Variants in HEMK1 observed in about 807,000 individuals in gnomAD.
The protein encoded by HEMK1 is HemK methyltransferase 1, mitochondrial release factors N(5)-glutamine, also known as MTRF1L release factor glutamine methyltransferase.
Under a neutral mutation model 47.9 loss-of-function variants are expected in HEMK1, and 36 were observed. The ratio of observed to expected loss-of-function variants is 0.75; its 90% CI spans 0.58 to 0.99. The LOEUF (loss-of-function observed/expected upper bound fraction) is 0.99, where lower values mean the gene tolerates loss of function less well. Ranked by LOEUF, HEMK1 falls within the 50% of genes least tolerant of loss-of-function variation. The probability of loss-of-function intolerance (pLI) is 0.00; values close to 1 mark genes in which losing one functional copy is unlikely to be tolerated. For missense variants in HEMK1, 383 were observed against 434.5 expected (o/e 0.88, Z 1.05); for synonymous variants, 153 against 165.4 (o/e 0.93, Z 0.57).
At chr3:50,576,729 G>A (rs75472980) in intron 4 of HEMK1, among the ~76,000 whole-genome samples, 3,813 of 152,342 alleles carry the variant, frequency 0.025, 180 homozygotes, top group African/African-American at 0.087. Context: ...ATTTCTGTAA[G>A]CACAGAATGG....
intron 4 of HEMK1, among the ~76,000 whole-genome samples, chr3:50,573,227 G>A (rs570276865): frequency 2.0e-5 from 3 of 152,290 alleles, no homozygotes; most frequent in African/African-American, 7.2e-5. Flanking sequence ...GAGCATGGGG[G>A]CAGCACGTGG....
At chr3:50,574,465 T>C (rs1434735618) in intron 4 of HEMK1, among the ~76,000 whole-genome samples, 1 of 152,202 alleles carries the variant, frequency 6.6e-6, no homozygotes, top group African/African-American at 2.4e-5. Context: ...AAGGTGGCCA[T>C]CCACATACGT....
chr3:50,592,671 A>G lies in HEMK1; in HGVS notation c.*12254A>G, dbSNP rs1445714488. 1 of 152,270 alleles carries G rather than the reference A, an allele frequency of 6.6e-6. No individual in the cohort carries two copies. Among genetic ancestry groups the G allele is most frequent in the Non-Finnish European group, 1.5e-5 (1 of 68,088 alleles). 9.4% of individuals were successfully genotyped at this position (152,270 alleles called of 1,614,324 possible). ...CACACCCAGGCCAGCCCAGCCCTTC[A>G]GACTCTGCCAGTCACAGTGGGGTGG... On this transcript the variant is annotated 3_prime_UTR_variant, in exon 11 of 11. Coordinates refer to ENST00000232854, the MANE Select transcript of HEMK1 (RefSeq NM_016173.5).
intron 5 of HEMK1, 139 bp downstream of exon 5, chr3:50,577,325 A>G: frequency 8.5e-7 from 1 of 1,170,594 alleles, no homozygotes; most frequent in Non-Finnish European, 1.2e-6. Context: ...CCCCTAGCCC[A>G]CTGTGGTTCA....
intron 2 of HEMK1, 169 bp from the exon 3 acceptor site, chr3:50,571,541 G>A (rs1700956885): frequency 1.4e-6 from 1 of 720,578 alleles, no homozygotes; most frequent in Non-Finnish European, 2.4e-6. Context: ...ACACCTGGAA[G>A]CCTGGTGTTA....
intron 6 of HEMK1, 75 bp from the exon 7 acceptor site, chr3:50,577,751 A>T: frequency 6.6e-7 from 1 of 1,508,032 alleles, no homozygotes; most frequent in South Asian, 1.1e-5. Flanking sequence ...AGAAGGGTTG[A>T]CTATAAGACC....
Position 50,578,914 on chromosome 3 carries a change from C to T in HEMK1, c.758C>T (p.Pro253Leu). Residue 253 changes from proline to leucine, a missense_variant, in exon 8 of 11, where the codon CCT becomes CTT. Transcript: ENST00000232854. The stretch of plus-strand genomic sequence containing the variant: ...CACCAGGACATGGAGCAGCTGGCCC[C>T]TGAGATCCGCAGGTGCTAAGCAGGG... ...VFHQDMEQLA[P>L]EIRSYEDPAA... The T allele has an allele frequency of 1.2e-6, 2 of 1,611,374 alleles. No individual in the cohort carries two copies. Among genetic ancestry groups the T allele is most frequent in the Admixed American group, 1.7e-5 (1 of 59,736 alleles).
intron 4 of HEMK1, 69 bp from the exon 5 acceptor site, chr3:50,576,983 G>C: frequency 6.3e-7 from 1 of 1,585,104 alleles, no homozygotes; most frequent in Non-Finnish European, 8.6e-7. Context: ...TAACTGCTTA[G>C]GCCTCTGTAC....
chr3:50,587,974 T>A lies in HEMK1; in HGVS notation c.*7557T>A. The stretch of plus-strand genomic sequence containing the variant: ...GACCACAGTGGGCCCAGGGATCTGA[T>A]TGGGACCTGGGGGAAATGGGGCCAC... On this transcript the variant is annotated 3_prime_UTR_variant, in exon 11 of 11. Transcript: ENST00000232854. The surrounding 1 kb of genome is among the most constrained non-coding windows in gnomAD (Gnocchi z 4.2). 6.6e-6 allele frequency: 1 copy of A among 152,178 alleles called. No individual in the cohort carries two copies. The highest frequency in any genetic ancestry group is 1.5e-5 in the Non-Finnish European group (1 of 68,106). The allele number at this position is 152,178 out of a possible 1,614,324, so 9.4% of individuals were successfully genotyped here.
intron 7 of HEMK1, 67 bp from the exon 8 acceptor site, chr3:50,578,754 G>A: frequency 2.9e-6 from 3 of 1,039,848 alleles, no homozygotes; most frequent in Non-Finnish European, 2.9e-6. Flanking sequence ...ATGGTGGCAG[G>A]TGGAGCTATC....
chr3:50,572,224 GGGCA>G lies in HEMK1; in HGVS notation c.414+17_414+20del, dbSNP rs778816870. The G allele has an allele frequency of 0.014, 22,045 of 1,604,262 alleles. 296 individuals are homozygous for G. Among genetic ancestry groups the G allele is most frequent in the Non-Finnish European group, 0.014 (16,166 of 1,173,016 alleles). On this transcript the variant is annotated intron_variant, in intron 4 of 10. Coordinates refer to ENST00000232854, the MANE Select transcript of HEMK1 (RefSeq NM_016173.5). The stretch of plus-strand genomic sequence containing the variant: ...AGAAACAGAGGTAGGTGTGCCACCA[GGGCA>G]AGGCAGGATCAGGATGATGGTGGAG...
Position 50,590,942 on chromosome 3 carries a change from T to A in HEMK1, c.*10525T>A, listed in dbSNP as rs1490412390. The A allele has an allele frequency of 2.0e-5, 3 of 152,110 alleles. No homozygotes were observed. Among genetic ancestry groups the A allele is most frequent in the Non-Finnish European group, 1.5e-5 (1 of 68,034 alleles). 9.4% of individuals were successfully genotyped at this position (152,110 alleles called of 1,614,324 possible). A position where few individuals can be genotyped will look rare whatever the true frequency, so the allele number is the denominator to read the frequency against. Reference sequence around the variant, plus strand: ...TTCATTTCTGGGAACTAACTGTGCTTTGGAAAGAGAGAAATGAGAAGCAAA... The same window carrying A: ...TTCATTTCTGGGAACTAACTGTGCTATGGAAAGAGAGAAATGAGAAGCAAA... On this transcript the variant is annotated 3_prime_UTR_variant, in exon 11 of 11. Coordinates refer to ENST00000232854, the MANE Select transcript of HEMK1 (RefSeq NM_016173.5).
chr3:50,571,665 C>T (rs1004395203), intron 2 of HEMK1, 45 bp from the exon 3 acceptor site: 2 of 1,566,848 alleles, frequency 1.3e-6, no homozygotes, highest in Admixed American at 1.7e-5. Flanking sequence ...GGGTTGGGGG[C>T]CTTGGGCCCA....
In HEMK1 at chr3:50,590,829, C is replaced by A. The variant is rs765779622; in HGVS notation, c.*10412C>A. 1 of 152,194 alleles carries A rather than the reference C, an allele frequency of 6.6e-6. No individual in the cohort carries two copies. Among genetic ancestry groups the A allele is most frequent in the African/African-American group, 2.4e-5 (1 of 41,440 alleles). The allele number at this position is 152,194 out of a possible 1,614,324, so 9.4% of individuals were successfully genotyped here. A position where few individuals can be genotyped will look rare whatever the true frequency, so the allele number is the denominator to read the frequency against. On this transcript the variant is annotated 3_prime_UTR_variant, in exon 11 of 11. Coordinates refer to ENST00000232854, the MANE Select transcript of HEMK1 (RefSeq NM_016173.5). ...TGAGTAGACATGGGCTAGGGACTTA[C>A]CCAGGCCCTTGGTGGTGCCTCCAAG... is the stretch of plus-strand genomic sequence containing the variant.
intron 8 of HEMK1, 117 bp downstream of exon 8, chr3:50,579,043 G>A (rs2030305669): frequency 2.8e-6 from 2 of 721,286 alleles, no homozygotes; most frequent in Admixed American, 2.4e-5. Context: ...ATGGGCAATG[G>A]TGTTAAGTTG....
intron 6 of HEMK1, 66 bp from the exon 7 acceptor site, chr3:50,577,760 C>A: frequency 6.6e-7 from 1 of 1,518,498 alleles, no homozygotes; most frequent in East Asian, 2.3e-5. Flanking sequence ...GACTATAAGA[C>A]CTCATTCTTG....
rs758346250 is a variant in HEMK1 at position 50,595,520 on chromosome 3, A to G, written c.*15103A>G. ...AGGTGGGAGATGTTATCTTTAGTAT[A>G]CGGGACAATAAAATCTGCCTTTTGC... On this transcript the variant is annotated 3_prime_UTR_variant, in exon 11 of 11. Coordinates refer to ENST00000232854, the MANE Select transcript of HEMK1 (RefSeq NM_016173.5). 6.6e-6 allele frequency: 1 copy of G among 152,178 alleles called. No homozygotes were observed. Among genetic ancestry groups the G allele is most frequent in the Non-Finnish European group, 1.5e-5 (1 of 68,040 alleles). The allele number at this position is 152,178 out of a possible 1,614,324, so 9.4% of individuals were successfully genotyped here.
At position 50,583,596 on chromosome 3, in the gene HEMK1, C is replaced by T. The variant is rs887322164; in HGVS notation, c.*3179C>T. ...AACCCCTTTAACCTCTGCGGGACAG[C>T]ATGTCTTTCCCTATCCACCTTCGAT... On this transcript the variant is annotated 3_prime_UTR_variant, in exon 11 of 11. Coordinates refer to ENST00000232854, the MANE Select transcript of HEMK1 (RefSeq NM_016173.5). The T allele has an allele frequency of 6.6e-6, 1 of 152,270 alleles. No individual in the cohort carries two copies. Among genetic ancestry groups the T allele is most frequent in the Non-Finnish European group, 1.5e-5 (1 of 68,082 alleles). The allele number at this position is 152,270 out of a possible 1,614,324, so 9.4% of individuals were successfully genotyped here.
Position 50,580,726 on chromosome 3 carries a change from C to T in HEMK1, c.*309C>T. ...ACTTGCAGGTCCCCTGACCCCCTTA[C>T]TCCCAGGTAGCACTGGGGCAAGGGT... On this transcript the variant is annotated 3_prime_UTR_variant, in exon 11 of 11. Transcript: ENST00000232854. The T allele has an allele frequency of 4.5e-6, 2 of 444,200 alleles. No individual in the cohort carries two copies. Among genetic ancestry groups the T allele is most frequent in the Non-Finnish European group, 8.2e-6 (2 of 245,294 alleles). The allele number at this position is 444,200 out of a possible 1,614,324, so 27.5% of individuals were successfully genotyped here. A position where few individuals can be genotyped will look rare whatever the true frequency, so the allele number is the denominator to read the frequency against.
Sources: gnomAD v4.1 joint callset for allele counts (sites outside exome capture counted in the v4.1 genomes callset) on GRCh38, gnomAD v4.1.1 for gene constraint, Gnocchi (gnomAD v3.1) non-coding constraint, MANE v1.5 for transcripts, NCBI Gene and HGNC (gene_info 2026-07-23, HGNC 2026-07-21) for gene names.